KANK1: variants seen among roughly 807,000 people sequenced by gnomAD.
The protein encoded by KANK1 is KN motif and ankyrin repeat domains 1, also known as KN motif and ankyrin repeat domain-containing protein 1.
Under a neutral mutation model 106.2 loss-of-function variants are expected in KANK1, and 109 were observed. The observed-to-expected ratio is 1.03, with a 90% CI of 0.88 to 1.20. The LOEUF (loss-of-function observed/expected upper bound fraction) is 1.20, where lower values mean the gene tolerates loss of function less well. Ranked by LOEUF, KANK1 falls within the 50% of genes most tolerant of loss-of-function variation. The probability of loss-of-function intolerance (pLI) is 0.00; values close to 1 mark genes in which losing one functional copy is unlikely to be tolerated. For missense variants in KANK1, 2,399 were observed against 1,710.7 expected (o/e 1.40, Z -7.10); for synonymous variants, 873 against 652.2 (o/e 1.34, Z -5.16).
chr9:581,859 G>T (rs1353887731), intron 1 of KANK1, among the ~76,000 whole-genome samples: 1 of 152,106 alleles, frequency 6.6e-6, no homozygotes, highest in East Asian at 1.9e-4. Flanking sequence ...TCCTCCTGGG[G>T]TTGCTGCACA....
chr9:659,779 C>A (rs188753260), intron 1 of KANK1, among the ~76,000 whole-genome samples: 1 of 152,010 alleles, frequency 6.6e-6, no homozygotes, highest in Admixed American at 6.5e-5. Flanking sequence ...TAATCACTTC[C>A]CACCAGGCCC....
intron 1 of KANK1, among the ~76,000 whole-genome samples, chr9:523,437 ACT>A (rs1195979228): frequency 2.6e-5 from 4 of 151,492 alleles, no homozygotes; most frequent in East Asian, 1.9e-4. Context: ...TGATACCTGG[ACT>A]CTCTGCTTCC....
At chr9:744,399 C>T in intron 10 of KANK1, 92 bp from the exon 11 acceptor site, 1 of 1,428,626 alleles carries the variant, frequency 7.0e-7, no homozygotes, top group South Asian at 1.4e-5. Context: ...GGAACCTTGC[C>T]AATTATTGGA....
chr9:593,910 C>T (rs1237427258), intron 1 of KANK1, among the ~76,000 whole-genome samples: 1 of 151,918 alleles, frequency 6.6e-6, no homozygotes, highest in Non-Finnish European at 1.5e-5. Context: ...TCTCTTATTT[C>T]TGCTTCCCTC....
At chr9:536,201 C>T (rs547669844) in intron 1 of KANK1, among the ~76,000 whole-genome samples, 1 of 152,068 alleles carries the variant, frequency 6.6e-6, no homozygotes, top group Non-Finnish European at 1.5e-5. Context: ...AATAGCCAGA[C>T]ATGGTGGCGG....
chr9:524,862 G>A (rs1003503968), intron 1 of KANK1, among the ~76,000 whole-genome samples: 4 of 151,278 alleles, frequency 2.6e-5, no homozygotes, highest in African/African-American at 9.8e-5. Flanking sequence ...TTTTGGGTAT[G>A]CTGTCTCTCT....
chr9:501,345 C>G (rs1348760387), upstream of KANK1, among the ~76,000 whole-genome samples: 2 of 152,038 alleles, frequency 1.3e-5, no homozygotes, highest in Non-Finnish European at 2.9e-5. Flanking sequence ...GTTTTCAGTA[C>G]CAGTCTCCAT....
chr9:598,860 G>T (rs1192787037), intron 1 of KANK1, among the ~76,000 whole-genome samples: 5 of 149,736 alleles, frequency 3.3e-5, no homozygotes, highest in Non-Finnish European at 7.4e-5. Context: ...TCGGACTCCT[G>T]ACCTCAGGTG....
intron 2 of KANK1, among the ~76,000 whole-genome samples, chr9:706,159 T>G (rs1050959619): frequency 6.6e-6 from 1 of 152,150 alleles, no homozygotes; most frequent in African/African-American, 2.4e-5. Flanking sequence ...ACATCTTACT[T>G]TTTTACTTGC....
chr9:728,852 C>T (rs568175442), intron 3 of KANK1, among the ~76,000 whole-genome samples: 162 of 152,298 alleles, frequency 1.1e-3, no homozygotes, highest in African/African-American at 3.6e-3. Context: ...TTTGAATCTA[C>T]CGAAGACCTG....
At chr9:601,639 C>G (rs895807094) in intron 1 of KANK1, among the ~76,000 whole-genome samples, 2 of 151,834 alleles carry the variant, frequency 1.3e-5, no homozygotes, top group Non-Finnish European at 2.9e-5. Flanking sequence ...TGGACAGTTA[C>G]TTCATTCTGT....
At chr9:693,346 T>G (rs928705723) in intron 2 of KANK1, 3 of 971,654 alleles carry the variant, frequency 3.1e-6, no homozygotes, top group Middle Eastern at 5.2e-4. Context: ...TTCTCTGCAG[T>G]GGAGGGTTAG....
intron 1 of KANK1, among the ~76,000 whole-genome samples, chr9:532,336 G>A (rs1170201615): frequency 7.4e-6 from 1 of 135,022 alleles, no homozygotes; most frequent in African/African-American, 2.8e-5. Context: ...CTGTCTCACT[G>A]GTTCAAGCGA....
rs536349752 is a variant in KANK1 at position 655,341 on chromosome 9, A to G, written c.-83-21549A>G. Among the ~76,000 whole-genome samples, 4 of 149,288 alleles carry G rather than the reference A, an allele frequency of 2.7e-5. No homozygotes were observed. In the South Asian group the frequency reaches 8.6e-4, roughly 32 times the overall value. On this transcript the variant is annotated intron_variant, in intron 1 of 11. Coordinates refer to ENST00000382297, the MANE Select transcript of KANK1 (RefSeq NM_015158.5). ...AGTGGAGATCACTCCATTGCACTCC[A>G]GCCTGGGAAACAAGAGCAAAATTCT...
At chr9:744,994 G>A (rs1302222651) in intron 11 of KANK1, 179 bp from the exon 12 acceptor site, 5 of 1,496,474 alleles carry the variant, frequency 3.3e-6, no homozygotes, top group Non-Finnish European at 4.4e-6. Flanking sequence ...ACATAGCACT[G>A]CTGAGCCCAG....
chr9:632,056 A>G (rs1349837274), intron 1 of KANK1, among the ~76,000 whole-genome samples: 1 of 152,202 alleles, frequency 6.6e-6, no homozygotes, highest in Non-Finnish European at 1.5e-5. Context: ...TCTCCGTAGC[A>G]TTGTGTCTAG....
At chr9:512,249 G>GTGTGTA (rs370159663) in intron 1 of KANK1, among the ~76,000 whole-genome samples, 1 of 149,506 alleles carries the variant, frequency 6.7e-6, no homozygotes, top group African/African-American at 2.5e-5. Flanking sequence ...GTGTGTGTGT[G>GTGTGTA]TATGTATATA....
intron 1 of KANK1, among the ~76,000 whole-genome samples, chr9:628,358 G>A (rs940460966): frequency 2.5e-4 from 38 of 152,248 alleles, no homozygotes; most frequent in African/African-American, 8.2e-4. Context: ...CCTAACTTTG[G>A]TATTCTTAGT....
At chr9:551,354 A>G (rs1370445726) in intron 1 of KANK1, among the ~76,000 whole-genome samples, 1 of 152,006 alleles carries the variant, frequency 6.6e-6, no homozygotes, top group Non-Finnish European at 1.5e-5. Flanking sequence ...GCTTGGTTTT[A>G]TAGGCGTGAT....
Sources: allele counts gnomAD v4.1 joint callset (sites outside exome capture counted in the v4.1 genomes callset), GRCh38; gene constraint gnomAD v4.1.1; transcripts MANE v1.5; gene names NCBI Gene and HGNC (gene_info 2026-07-23, HGNC 2026-07-21).